The following ANK3 variants were observed in gnomAD, a reference collection of about 807,000 sequenced individuals.
ANK3 encodes the protein ankyrin 3.
In ANK3, 57 loss-of-function variants were observed where a neutral mutation model predicts 370.9. That is an observed-to-expected ratio of 0.15 (90% CI 0.12 to 0.19). The LOEUF (loss-of-function observed/expected upper bound fraction) is 0.19, where lower values mean the gene tolerates loss of function less well. Among genes scored for constraint, ANK3 ranks in the 10% least tolerant of loss-of-function variants. ANK3 has a pLI of 1.00. For missense variants in ANK3, 4,439 were observed against 5,302.1 expected, an observed-to-expected ratio of 0.84 and a Z score of 5.06; for synonymous variants, 1,929 against 1,946.3, an observed-to-expected ratio of 0.99 and a Z score of 0.23.
intron 1 of ANK3, among the ~76,000 whole-genome samples, chr10:60,283,403 A>G (rs1480612381): frequency 8.5e-5 from 13 of 152,136 alleles, no homozygotes; most frequent in African/African-American, 3.1e-4. Context: ...AGATGCATCC[A>G]AAAATGTCAA....
At chr10:60,473,965 A>AC (rs2074987353) in intron 2 of ANK3, among the ~76,000 whole-genome samples, 1 of 58,270 alleles carries the variant, frequency 1.7e-5, no homozygotes, top group African/African-American at 6.1e-5. Flanking sequence ...CCCTGTTTCT[A>AC]CAAAAAAAAA....
At chr10:60,711,937 G>A (rs1031091362) in intron 1 of ANK3, among the ~76,000 whole-genome samples, 14 of 152,154 alleles carry the variant, frequency 9.2e-5, no homozygotes, top group Admixed American at 2.0e-4. Flanking sequence ...TTAAAGTGTT[G>A]AAAGAATAAA....
chr10:60,457,070 T>C (rs2064766656), intron 2 of ANK3, among the ~76,000 whole-genome samples: 1 of 152,106 alleles, frequency 6.6e-6, no homozygotes, highest in Non-Finnish European at 1.5e-5. Context: ...GCATATTTCT[T>C]AGGAAGTTGG....
intron 2 of ANK3, among the ~76,000 whole-genome samples, chr10:60,424,821 G>C (rs1035336220): frequency 1.3e-5 from 2 of 152,030 alleles, no homozygotes; most frequent in African/African-American, 2.4e-5. Flanking sequence ...TGCCAAGTAT[G>C]AGGTGGTTGC....
chr10:60,473,830 A>G (rs1282134145), intron 2 of ANK3, among the ~76,000 whole-genome samples: 4 of 152,246 alleles, frequency 2.6e-5, no homozygotes, highest in South Asian at 4.2e-4. Flanking sequence ...CAATGTTTAC[A>G]TGAACTTTTT....
chr10:60,725,868 G>A (rs2079934160), intron 1 of ANK3, among the ~76,000 whole-genome samples: 1 of 152,004 alleles, frequency 6.6e-6, no homozygotes. Flanking sequence ...CCGAAACATA[G>A]GGAAACTGAA....
intron 1 of ANK3, among the ~76,000 whole-genome samples, chr10:60,350,043 A>G (rs560786616): frequency 2.2e-4 from 33 of 152,354 alleles, no homozygotes; most frequent in African/African-American, 7.9e-4. Flanking sequence ...AATCACAGTG[A>G]TGGCCTCATT....
rs534031943 is a variant in ANK3 at position 60,715,229 on chromosome 10, G to A, written c.57+18034C>T. The stretch of plus-strand genomic sequence containing the variant: ...TACATATACAAATGTGTGTGTGTGT[G>A]TGTGTGTGTGTGTGTGTATAAAATT... On this transcript the variant is annotated intron_variant, in intron 1 of 43. Transcript: ENST00000373827. Among the ~76,000 whole-genome samples the A allele has an allele frequency of 9.9e-5, 15 of 151,824 alleles. No homozygotes were observed. The South Asian group carries it at 2.1e-3, about 21-fold the overall frequency.
intron 2 of ANK3, among the ~76,000 whole-genome samples, chr10:60,399,884 G>A (rs1174456056): frequency 6.6e-6 from 1 of 152,072 alleles, no homozygotes; most frequent in Non-Finnish European, 1.5e-5. Flanking sequence ...TTTAATTTGG[G>A]TTACAGAAAG....
chr10:60,466,521 A>C (rs1245943210), intron 2 of ANK3, among the ~76,000 whole-genome samples: 1 of 152,144 alleles, frequency 6.6e-6, no homozygotes, highest in Admixed American at 6.5e-5. Context: ...AGACTCTCAA[A>C]AGGTTAAATA....
At chr10:60,572,668 C>A (rs2077628097) in intron 2 of ANK3, 3 of 1,437,454 alleles carry the variant, frequency 2.1e-6, no homozygotes, top group Non-Finnish European at 2.7e-6. Context: ...CTGCTTAAAC[C>A]CAGCCCCTGC....
At chr10:60,339,829 GA>G (rs1189572594) in intron 1 of ANK3, among the ~76,000 whole-genome samples, 1 of 152,164 alleles carries the variant, frequency 6.6e-6, no homozygotes, top group Non-Finnish European at 1.5e-5. Context: ...GTACTAACTA[GA>G]ATTTACAACG....
At chr10:60,196,837 C>G (rs2096594945) in intron 14 of ANK3, among the ~76,000 whole-genome samples, 1 of 152,096 alleles carries the variant, frequency 6.6e-6, no homozygotes, top group African/African-American at 2.4e-5. Flanking sequence ...TTCTTATTGA[C>G]AGGGTGTGAG....
intron 2 of ANK3, among the ~76,000 whole-genome samples, chr10:60,466,301 A>G (rs1003574045): frequency 2.6e-5 from 4 of 152,156 alleles, no homozygotes; most frequent in African/African-American, 9.7e-5. Flanking sequence ...TTGGATCAGG[A>G]TAAGAGGTGT....
chr10:60,570,974 T>C (rs981793522), intron 2 of ANK3, among the ~76,000 whole-genome samples: 8 of 151,968 alleles, frequency 5.3e-5, no homozygotes, highest in Admixed American at 1.3e-4. Flanking sequence ...CGGCTCTCTA[T>C]GACACTCTAT....
chr10:60,604,789 G>A (rs2078108422), intron 2 of ANK3, among the ~76,000 whole-genome samples: 1 of 152,142 alleles, frequency 6.6e-6, no homozygotes, highest in African/African-American at 2.4e-5. Context: ...GCTCAGAGGA[G>A]ATAACTCCCA....
intron 23 of ANK3, among the ~76,000 whole-genome samples, chr10:60,147,532 T>C (rs528243034): frequency 6.6e-6 from 1 of 152,302 alleles, no homozygotes; most frequent in African/African-American, 2.4e-5. Context: ...CCAAATCTCA[T>C]GTTGAATTGT....
intron 2 of ANK3, among the ~76,000 whole-genome samples, chr10:60,417,310 G>C (rs557381119): frequency 6.6e-6 from 1 of 152,218 alleles, no homozygotes; most frequent in Non-Finnish European, 1.5e-5. Flanking sequence ...GCAACTTGAC[G>C]GGGGGTCAGC....
At chr10:60,084,863 G>C (rs1403107518) in intron 31 of ANK3, 33 bp from the exon 32 acceptor site, 2 of 1,464,928 alleles carry the variant, frequency 1.4e-6, no homozygotes, top group Non-Finnish European at 1.8e-6. Context: ...GTATGAAAAT[G>C]TGGCTATTTA....
Sources: gnomAD v4.1 joint callset for allele counts (sites outside exome capture counted in the v4.1 genomes callset) on GRCh38, gnomAD v4.1.1 for gene constraint, MANE v1.5 for transcripts, NCBI Gene and HGNC (gene_info 2026-07-23, HGNC 2026-07-21) for gene names.